Variants in CLMN observed in about 807,000 individuals in gnomAD.
CLMN encodes the protein calmin.
In CLMN, 57 loss-of-function variants were observed where a neutral mutation model predicts 92.7. The observed-to-expected ratio is 0.61, with a 90% CI of 0.50 to 0.77. The LOEUF (loss-of-function observed/expected upper bound fraction) is 0.77. Ranked by LOEUF, CLMN falls within the 30% of genes least tolerant of loss-of-function variation. The probability of loss-of-function intolerance (pLI) is 0.00; values close to 1 mark genes in which losing one functional copy is unlikely to be tolerated. For synonymous variants in CLMN, 466 were observed against 470.6 expected (o/e 0.99, Z 0.13); for missense variants, 1,158 against 1,237.5 (o/e 0.94, Z 0.96).
intron 1 of CLMN, among the ~76,000 whole-genome samples, chr14:95,277,730 C>T (rs1899989946): frequency 6.6e-6 from 1 of 152,206 alleles, no homozygotes; most frequent in African/African-American, 2.4e-5. Flanking sequence ...CAGGTTCAAG[C>T]AATTCTCCTG....
intron 1 of CLMN, among the ~76,000 whole-genome samples, chr14:95,258,571 G>A (rs977311973): frequency 6.7e-6 from 1 of 149,118 alleles, no homozygotes; most frequent in African/African-American, 2.5e-5. Context: ...TGTGTGTGAA[G>A]GGTATGTGTA....
At chr14:95,231,918 A>C (rs1255204198) in intron 1 of CLMN, among the ~76,000 whole-genome samples, 4 of 152,240 alleles carry the variant, frequency 2.6e-5, no homozygotes, top group Admixed American at 6.5e-5. Context: ...CCTTACTACC[A>C]TCCTCTGTGG....
At chr14:95,209,064 T>C (rs953234974) in intron 8 of CLMN, among the ~76,000 whole-genome samples, 1 of 152,224 alleles carries the variant, frequency 6.6e-6, no homozygotes, top group Non-Finnish European at 1.5e-5. Context: ...TAACTATTAG[T>C]TGTTGTTAAT....
At chr14:95,308,156 G>A (rs1487816225) in intron 1 of CLMN, among the ~76,000 whole-genome samples, 4 of 152,104 alleles carry the variant, frequency 2.6e-5, no homozygotes, top group East Asian at 1.9e-4. Flanking sequence ...GATCCACCCC[G>A]GGGAATCACC....
intron 1 of CLMN, among the ~76,000 whole-genome samples, chr14:95,277,577 G>A (rs570600957): frequency 3.9e-5 from 6 of 152,344 alleles, no homozygotes; most frequent in Admixed American, 1.3e-4. Flanking sequence ...AATGGAGACT[G>A]CCCAATGCTG....
intron 1 of CLMN, among the ~76,000 whole-genome samples, chr14:95,298,628 G>A (rs894624422): frequency 1.3e-5 from 2 of 152,294 alleles, no homozygotes; most frequent in South Asian, 2.1e-4. Flanking sequence ...GGGTCAGAAC[G>A]TTGGCCCAAG....
intron 1 of CLMN, among the ~76,000 whole-genome samples, chr14:95,301,494 T>C (rs1239832469): frequency 7.2e-6 from 1 of 138,266 alleles, no homozygotes; most frequent in African/African-American, 2.5e-5. Context: ...CACTCACACA[T>C]TGAGGGATGC....
intron 9 of CLMN, among the ~76,000 whole-genome samples, chr14:95,199,740 G>C (rs1224977039): frequency 2.6e-5 from 4 of 151,744 alleles, no homozygotes; most frequent in Admixed American, 2.0e-4. Flanking sequence ...GGAGGTCGGA[G>C]GGCTTCTGGG....
chr14:95,222,128 G>C (rs1243262666), intron 3 of CLMN, among the ~76,000 whole-genome samples: 1 of 152,128 alleles, frequency 6.6e-6, no homozygotes, highest in Non-Finnish European at 1.5e-5. Context: ...CTTCTCCTGA[G>C]ACCCTCCATT....
At chr14:95,287,136 G>A (rs1900376224) in intron 1 of CLMN, among the ~76,000 whole-genome samples, 1 of 152,226 alleles carries the variant, frequency 6.6e-6, no homozygotes, top group Non-Finnish European at 1.5e-5. Flanking sequence ...TTTGCACAGA[G>A]GAGGGGCAAT....
At position 95,279,878 on chromosome 14, in the gene CLMN, G is replaced by A. The variant is rs140780287; in HGVS notation, c.82+39833C>T. Among the ~76,000 whole-genome samples, 13 of 152,162 alleles carry A rather than the reference G, an allele frequency of 8.5e-5. No homozygotes were observed. The East Asian group carries it at 2.5e-3, about 29-fold the overall frequency. On this transcript the variant is annotated intron_variant, in intron 1 of 12. Coordinates refer to ENST00000298912, the MANE Select transcript of CLMN (RefSeq NM_024734.4). Reference sequence around the variant, plus strand: ...GAGTTAACACTGTAACATGTATATTGAGACGACTAAAGAAACAGTTTTACA... The same window carrying A: ...GAGTTAACACTGTAACATGTATATTAAGACGACTAAAGAAACAGTTTTACA...
intron 12 of CLMN, chr14:95,192,318 G>C (rs1896581506): frequency 6.6e-6 from 1 of 152,146 alleles, no homozygotes; most frequent in African/African-American, 2.4e-5. Context: ...ATAATTACTA[G>C]ATTTGATTTC....
intron 1 of CLMN, among the ~76,000 whole-genome samples, chr14:95,242,083 A>G (rs1898263385): frequency 6.6e-6 from 1 of 151,942 alleles, no homozygotes; most frequent in African/African-American, 2.4e-5. Context: ...CTGCAATCTT[A>G]AAAAACCCAC....
intron 1 of CLMN, among the ~76,000 whole-genome samples, chr14:95,287,131 A>G (rs1369487289): frequency 2.6e-5 from 4 of 152,134 alleles, no homozygotes; most frequent in Non-Finnish European, 5.9e-5. Flanking sequence ...GTGAATTTGC[A>G]CAGAGGAGGG....
intron 5 of CLMN, among the ~76,000 whole-genome samples, chr14:95,213,700 A>G (rs1040771449): frequency 6.6e-6 from 1 of 151,878 alleles, no homozygotes. Context: ...GGTCTTCCTG[A>G]CCCAACTCTG....
intron 5 of CLMN, 129 bp downstream of exon 5, chr14:95,215,512 G>A (rs1897311152): frequency 1.4e-6 from 1 of 728,562 alleles, no homozygotes; most frequent in African/African-American, 1.8e-5. Flanking sequence ...CTTTTTCAGT[G>A]AGTAGAAAAG....
rs190156670 is a variant in CLMN at position 95,183,258 on chromosome 14, A to T, written c.*8306T>A. Reference sequence around the variant, plus strand: ...AACAGGCACTCCCAGAGTTTCCTTTAAAAAAGTGTCTAAATCCTTGCATGA... The same window carrying T: ...AACAGGCACTCCCAGAGTTTCCTTTTAAAAAGTGTCTAAATCCTTGCATGA... On this transcript the variant is annotated 3_prime_UTR_variant, in exon 13 of 13. Coordinates refer to ENST00000298912, the MANE Select transcript of CLMN (RefSeq NM_024734.4). 6.6e-6 allele frequency: 1 copy of T among 152,360 alleles called. No individual in the cohort carries two copies. Among genetic ancestry groups the T allele is most frequent in the Admixed American group, 6.5e-5 (1 of 15,308 alleles). The allele number at this position is 152,360 out of a possible 1,614,324, so 9.4% of individuals were successfully genotyped here.
At chr14:95,317,074 A>G (rs1277603361) in intron 1 of CLMN, among the ~76,000 whole-genome samples, 1 of 152,180 alleles carries the variant, frequency 6.6e-6, no homozygotes, top group East Asian at 1.9e-4. Context: ...CACTGAGTTC[A>G]GAAGAACAAG....
chr14:95,202,983 C>T lies in CLMN; in HGVS notation c.2366G>A (p.Ser789Asn), dbSNP rs1332144649. The T allele has an allele frequency of 1.2e-5, 19 of 1,614,136 alleles. No individual in the cohort carries two copies. The highest frequency in any genetic ancestry group is 1.5e-5 in the Non-Finnish European group (18 of 1,180,020). ...CACCTGGTCGCTGGCACTGGGGAGG[C>T]TCTCTCCTGGCACCGAGGAACTGGA... Reference protein sequence around the residue: ...SSSSSSVPGESLPSASDQVLY... With the variant: ...SSSSSSVPGENLPSASDQVLY... Residue 789 changes from serine to asparagine, a missense_variant, in exon 9 of 13, where the codon AGC becomes AAC. Coordinates refer to ENST00000298912, the MANE Select transcript of CLMN (RefSeq NM_024734.4).
Sources: allele counts gnomAD v4.1 joint callset (sites outside exome capture counted in the v4.1 genomes callset), GRCh38; gene constraint gnomAD v4.1.1; transcripts MANE v1.5; gene names NCBI Gene and HGNC (gene_info 2026-07-23, HGNC 2026-07-21).